Variants in TRIM67 observed in about 807,000 individuals in gnomAD.
TRIM67 encodes the protein tripartite motif-containing protein 67.
In TRIM67, 39 loss-of-function variants were observed where a neutral mutation model predicts 71.0. The observed-to-expected ratio is 0.55, with a 90% CI of 0.43 to 0.72. The LOEUF (loss-of-function observed/expected upper bound fraction) is 0.72, where lower values mean the gene tolerates loss of function less well. TRIM67 is among the 30% of genes least tolerant of loss of function. TRIM67 has a pLI of 0.00. For synonymous variants in TRIM67, 481 were observed against 473.9 expected (o/e 1.01, Z -0.19); for missense variants, 973 against 1,079.2 (o/e 0.90, Z 1.38).
Position 231,219,407 on chromosome 1 carries a change from G to A in TRIM67, c.*3967G>A, listed in dbSNP as rs1485606988. On this transcript the variant is annotated 3_prime_UTR_variant, in exon 10 of 10. Coordinates refer to ENST00000366653, the MANE Select transcript of TRIM67 (RefSeq NM_001004342.5). Reference sequence around the variant, plus strand: ...TGCATGGATCTGTAGAGGGACTGTGGCGCTCCGGCTGCTTTGTTCCATAGA... The same window carrying A: ...TGCATGGATCTGTAGAGGGACTGTGACGCTCCGGCTGCTTTGTTCCATAGA... The A allele has an allele frequency of 1.1e-5, 11 of 1,012,196 alleles. No homozygotes were observed. The highest frequency in any genetic ancestry group is 1.7e-5 in the African/African-American group (1 of 57,542). 62.7% of individuals were successfully genotyped at this position (1,012,196 alleles called of 1,614,324 possible). A position where few individuals can be genotyped will look rare whatever the true frequency, so the allele number is the denominator to read the frequency against.
intron 8 of TRIM67, among the ~76,000 whole-genome samples, chr1:231,210,564 G>A (rs772261072): frequency 6.6e-6 from 1 of 151,270 alleles, no homozygotes; most frequent in Non-Finnish European, 1.5e-5. Flanking sequence ...AGGCCCATCA[G>A]CTCCGTCTCT....
At chr1:231,187,726 G>T in intron 1 of TRIM67, 1 of 653,360 alleles carries the variant, frequency 1.5e-6, no homozygotes, top group Non-Finnish European at 2.6e-6. Context: ...GCAGAAGGAA[G>T]CCACGTGGCT....
intron 5 of TRIM67, 39 bp from the exon 6 acceptor site, chr1:231,203,828 A>T (rs1683618409): frequency 6.3e-7 from 1 of 1,593,788 alleles, no homozygotes; most frequent in Non-Finnish European, 8.6e-7. Context: ...GGGCCCTCGG[A>T]GGGCTTCCTG....
intron 9 of TRIM67, 71 bp from the exon 10 acceptor site, chr1:231,215,304 G>T: frequency 6.4e-7 from 1 of 1,555,540 alleles, no homozygotes; most frequent in East Asian, 2.4e-5. Context: ...CGGTGTCTGC[G>T]GTGCTGTCAG....
intron 1 of TRIM67, among the ~76,000 whole-genome samples, chr1:231,182,446 G>A (rs980745198): frequency 6.6e-6 from 1 of 152,092 alleles, no homozygotes; most frequent in Non-Finnish European, 1.5e-5. Flanking sequence ...CAGTAGAACA[G>A]AAAGAGATCC....
intron 6 of TRIM67, among the ~76,000 whole-genome samples, chr1:231,204,472 G>A (rs1044200341): frequency 2.0e-5 from 3 of 152,256 alleles, no homozygotes; most frequent in South Asian, 2.1e-4. Context: ...TTGTTGAATC[G>A]GGACAACATT....
intron 1 of TRIM67, among the ~76,000 whole-genome samples, chr1:231,169,952 G>T (rs1682580145): frequency 1.3e-5 from 2 of 150,878 alleles, no homozygotes; most frequent in African/African-American, 4.9e-5. Flanking sequence ...GTAATTCAGG[G>T]ACCTTTATGT....
At chr1:231,204,486 C>A (rs1221850263) in intron 6 of TRIM67, among the ~76,000 whole-genome samples, 1 of 152,178 alleles carries the variant, frequency 6.6e-6, no homozygotes, top group East Asian at 1.9e-4. Context: ...CAACATTCTG[C>A]AGTCATGTCC....
chr1:231,183,670 A>C (rs1360197280), intron 1 of TRIM67, among the ~76,000 whole-genome samples: 1 of 152,172 alleles, frequency 6.6e-6, no homozygotes, highest in East Asian at 1.9e-4. Flanking sequence ...TCACAGAATC[A>C]ATACGAACTT....
At chr1:231,202,139 G>T (rs1471768819) in intron 5 of TRIM67, among the ~76,000 whole-genome samples, 6 of 151,094 alleles carry the variant, frequency 4.0e-5, no homozygotes, top group Admixed American at 3.9e-4. Flanking sequence ...AGATGGAGGA[G>T]GAGGAAGAGG....
chr1:231,211,461 T>C (rs1239253807), intron 8 of TRIM67, among the ~76,000 whole-genome samples: 1 of 152,020 alleles, frequency 6.6e-6, no homozygotes, highest in African/African-American at 2.4e-5. Context: ...TTTGCTTAGG[T>C]TGGACTCATT....
rs763722804 is a variant in TRIM67, at chr1:231,203,957, G to A, written c.1625G>A (p.Ser542Asn). 5 of 1,613,994 alleles carry A rather than the reference G, an allele frequency of 3.1e-6. No individual in the cohort carries two copies. The East Asian group carries it at 8.9e-5, about 29-fold the overall frequency. The change falls in exon 6 of 10, where the codon AGC becomes AAC. Residue 542 changes from serine to asparagine, a missense_variant. Physicochemically the swap from Ser to Asn is conservative, Grantham distance 46 (BLOSUM62 1). This residue lies in a region of TRIM67 where 795 missense variants were observed against 831.3 expected (regional missense o/e 0.96). Transcript: ENST00000366653. ...LAWRMPPFTH[S>N]PVDGYILELD... ...TGGAGGATGCCACCCTTCACCCACA[G>A]CCCCGTGGACGGCTACATCCTGGAG...
intron 1 of TRIM67, chr1:231,184,662 C>G: frequency 7.6e-6 from 2 of 262,754 alleles, no homozygotes; most frequent in South Asian, 1.2e-4. Flanking sequence ...AATTGGGATA[C>G]TGTTATAGAG....
chr1:231,207,441 C>A (rs1256485648), intron 7 of TRIM67, among the ~76,000 whole-genome samples: 2 of 152,208 alleles, frequency 1.3e-5, no homozygotes, highest in Non-Finnish European at 2.9e-5. Context: ...TTTTGATCAT[C>A]TGAGTTCTTA....
chr1:231,200,031 G>A lies in TRIM67; in HGVS notation c.1264-117G>A, dbSNP rs896150874. On this transcript the variant is annotated intron_variant, in intron 3 of 9. Transcript: ENST00000366653. ...CTGAGAGAGGAGCTGGTGCAAGGTG[G>A]TCCAGGCCAGCGCCGCCTCTTCCAG... 4.1e-6 allele frequency: 3 copies of A among 724,132 alleles called. No homozygotes were observed. In the African/African-American group the frequency reaches 5.2e-5, roughly 12 times the overall value. The allele number at this position is 724,132 out of a possible 1,614,324, so 44.9% of individuals were successfully genotyped here. A position where few individuals can be genotyped will look rare whatever the true frequency, so the allele number is the denominator to read the frequency against.
At chr1:231,185,249 A>T in intron 1 of TRIM67, 1 of 1,530,362 alleles carries the variant, frequency 6.5e-7, no homozygotes. Context: ...GTGAGAAAGG[A>T]GTCTCCCCTC....
chr1:231,219,245 C>T lies in TRIM67; in HGVS notation c.*3805C>T, dbSNP rs990651124. 14 of 981,868 alleles carry T rather than the reference C, an allele frequency of 1.4e-5. No homozygotes were observed. The highest frequency in any genetic ancestry group is 1.7e-5 in the Non-Finnish European group (14 of 826,666). 60.8% of individuals were successfully genotyped at this position (981,868 alleles called of 1,614,324 possible). On this transcript the variant is annotated 3_prime_UTR_variant, in exon 10 of 10. Coordinates refer to ENST00000366653, the MANE Select transcript of TRIM67 (RefSeq NM_001004342.5). ...ATGCCGTAGGATGTTTAGCAACATC[C>T]CTGGTCTCTACCCATCATCTGCCAG...
chr1:231,181,466 G>C (rs1682905653), intron 1 of TRIM67, among the ~76,000 whole-genome samples: 1 of 152,196 alleles, frequency 6.6e-6, no homozygotes, highest in Admixed American at 6.5e-5. Context: ...CAAGTTGGGG[G>C]GTGGTGTTTG....
At chr1:231,190,470 G>T (rs532685282) in intron 1 of TRIM67, among the ~76,000 whole-genome samples, 1 of 152,170 alleles carries the variant, frequency 6.6e-6, no homozygotes, top group Admixed American at 6.5e-5. Flanking sequence ...TGCAGAGAGA[G>T]GCTGCCTGGA....
Sources: gnomAD v4.1 joint callset for allele counts (sites outside exome capture counted in the v4.1 genomes callset) on GRCh38, gnomAD v4.1.1 for gene constraint, gnomAD v4.1.1 regional missense constraint, MANE v1.5 for transcripts, NCBI Gene and HGNC (gene_info 2026-07-23, HGNC 2026-07-21) for gene names.